OCIAD2: variants seen among roughly 807,000 people sequenced by gnomAD.
OCIAD2 encodes OCIA domain-containing protein 2.
In OCIAD2, 29 loss-of-function variants were observed where a neutral mutation model predicts 22.9. The observed-to-expected ratio is 1.27, with a 90% CI of 0.94 to 1.73. The LOEUF (loss-of-function observed/expected upper bound fraction) is 1.73, where lower values mean the gene tolerates loss of function less well. Ranked by LOEUF, OCIAD2 falls within the 40% of genes most tolerant of loss-of-function variation. OCIAD2 has a pLI of 0.00. For synonymous variants in OCIAD2, 67 were observed against 60.2 expected (o/e 1.11, Z -0.52); for missense variants, 189 against 180.3 (o/e 1.05, Z -0.28).
At chr4:48,898,239 C>G (rs1054227792) in intron 3 of OCIAD2, among the ~76,000 whole-genome samples, 6 of 152,122 alleles carry the variant, frequency 3.9e-5, no homozygotes, top group African/African-American at 1.4e-4. Context: ...AATTTTCAAT[C>G]CTACACAAAT....
rs533996951 is a variant in OCIAD2, at chr4:48,899,710, A to AAT, written c.163+117_163+118dup. The AAT allele has an allele frequency of 1.4e-4, 93 of 680,496 alleles. No homozygotes were observed. In the African/African-American group the frequency reaches 1.6e-3, roughly 11 times the overall value. 42.2% of individuals were successfully genotyped at this position (680,496 alleles called of 1,614,324 possible). On this transcript the variant is annotated intron_variant, in intron 3 of 6. Transcript: ENST00000508632. ...TGGATTTAAACTCTAAACATCCCTGAATATCAGAGTTCATCAGATATTTAT... is the reference window on the plus strand; with the variant it reads ...TGGATTTAAACTCTAAACATCCCTGAATATATCAGAGTTCATCAGATATTTAT...
chr4:48,905,423 AT>A (rs912177486), intron 1 of OCIAD2, among the ~76,000 whole-genome samples: 17 of 151,916 alleles, frequency 1.1e-4, no homozygotes, highest in Admixed American at 3.9e-4. Context: ...GAGAAGAAAG[AT>A]TAAAAAAAAA....
At chr4:48,905,588 C>T (rs1383125806) in intron 1 of OCIAD2, among the ~76,000 whole-genome samples, 1 of 152,162 alleles carries the variant, frequency 6.6e-6, no homozygotes, top group Non-Finnish European at 1.5e-5. Flanking sequence ...GACTTTGAGC[C>T]TCCTCCTGCC....
chr4:48,899,756 TAA>T, intron 3 of OCIAD2, 71 bp downstream of exon 3: 2 of 1,015,902 alleles, frequency 2.0e-6, no homozygotes, highest in Non-Finnish European at 3.0e-6. Context: ...TGCTCAAACG[TAA>T]GTCATTACCA....
At chr4:48,891,125 T>C (rs779554636) in intron 6 of OCIAD2, among the ~76,000 whole-genome samples, 3 of 152,168 alleles carry the variant, frequency 2.0e-5, no homozygotes, top group Non-Finnish European at 2.9e-5. Flanking sequence ...TCTTCAACCC[T>C]GCTATAGCTC....
At chr4:48,905,536 A>G (rs1312526400) in intron 1 of OCIAD2, among the ~76,000 whole-genome samples, 1 of 152,230 alleles carries the variant, frequency 6.6e-6, no homozygotes, top group South Asian at 2.1e-4. Context: ...TGGCTTAGAA[A>G]AGTGGACCCT....
intron 2 of OCIAD2, among the ~76,000 whole-genome samples, chr4:48,900,471 G>C (rs946381625): frequency 6.6e-6 from 1 of 151,696 alleles, no homozygotes; most frequent in Non-Finnish European, 1.5e-5. Flanking sequence ...TTTCAATCTG[G>C]ATGCTTTTTT....
intron 6 of OCIAD2, among the ~76,000 whole-genome samples, 159 bp from the exon 7 acceptor site, chr4:48,885,724 G>C (rs1780966809): frequency 6.6e-6 from 1 of 152,064 alleles, no homozygotes; most frequent in South Asian, 2.1e-4. Context: ...GGGCTCAAGG[G>C]ATCCTCCCAC....
Position 48,904,478 on chromosome 4 carries a change from G to C in OCIAD2, c.66+6C>G, listed in dbSNP as rs1781485519. ...AATGAATCGATCAATAAATATAAAA[G>C]TATACCTGCTTGCTTGGTGGTGGAA... On this transcript the variant is annotated splice_donor_region_variant and intron_variant, in intron 2 of 6. Coordinates refer to ENST00000508632, the MANE Select transcript of OCIAD2 (RefSeq NM_001014446.3). 1 of 1,612,446 alleles carries C rather than the reference G, an allele frequency of 6.2e-7. No homozygotes were observed. Among genetic ancestry groups the C allele is most frequent in the South Asian group, 1.1e-5 (1 of 91,040 alleles).
At position 48,899,898 on chromosome 4, in the gene OCIAD2, G is replaced by C; in HGVS notation, c.94C>G (p.Leu32Val). The C allele has an allele frequency of 6.2e-7, 1 of 1,613,756 alleles. No individual in the cohort carries two copies. The highest frequency in any genetic ancestry group is 8.5e-7 in the Non-Finnish European group (1 of 1,179,854). The part of the protein sequence containing the change: ...QSLLFCPKSK[L>V]HIHRAEISKI... ...GAGATCTCTGCTCTGTGGATGTGCA[G>C]TTTTGATTTTGGACAAAACAACAGG... The change falls in exon 3 of 7, where the codon CTG becomes GTG. Residue 32 changes from leucine to valine, a missense_variant. By Grantham distance (32) the Leu-to-Val change is conservative. Transcript: ENST00000508632.
intron 6 of OCIAD2, among the ~76,000 whole-genome samples, chr4:48,890,622 G>A (rs1013476104): frequency 1.3e-5 from 2 of 152,116 alleles, no homozygotes; most frequent in African/African-American, 4.8e-5. Flanking sequence ...AAATGCACAG[G>A]TTCGTTCTAG....
intron 5 of OCIAD2, 185 bp downstream of exon 5, chr4:48,893,821 C>T (rs1401834195): frequency 8.9e-6 from 3 of 338,574 alleles, no homozygotes; most frequent in East Asian, 9.2e-5. Context: ...CTAGTAATGT[C>T]TTTTTTTCAA....
chr4:48,894,191 G>A (rs1408426810), intron 4 of OCIAD2, 138 bp from the exon 5 acceptor site: 1 of 384,268 alleles, frequency 2.6e-6, no homozygotes, highest in Non-Finnish European at 4.4e-6. Flanking sequence ...TACATATTCT[G>A]ACTTTAAAAA....
chr4:48,899,290 C>G (rs1433020464), intron 3 of OCIAD2, among the ~76,000 whole-genome samples: 1 of 152,100 alleles, frequency 6.6e-6, no homozygotes, highest in Non-Finnish European at 1.5e-5. Context: ...ACACTCTTGT[C>G]TTATGTGAGG....
intron 6 of OCIAD2, among the ~76,000 whole-genome samples, chr4:48,891,869 T>C (rs1458524882): frequency 6.6e-6 from 1 of 152,196 alleles, no homozygotes; most frequent in African/African-American, 2.4e-5. Context: ...TGACAGACCA[T>C]TTTCCACCCA....
intron 2 of OCIAD2, among the ~76,000 whole-genome samples, chr4:48,900,985 T>C (rs929136088): frequency 6.6e-6 from 1 of 152,174 alleles, no homozygotes; most frequent in African/African-American, 2.4e-5. Flanking sequence ...ACATATGCTT[T>C]AATCACTCGC....
intron 2 of OCIAD2, among the ~76,000 whole-genome samples, chr4:48,903,669 C>T (rs1303438376): frequency 8.1e-6 from 1 of 123,744 alleles, no homozygotes; most frequent in African/African-American, 3.1e-5. Context: ...TTTTTTGAGA[C>T]AGAGTCTCGC....
intron 6 of OCIAD2, among the ~76,000 whole-genome samples, chr4:48,892,507 C>T (rs1435092170): frequency 1.3e-5 from 2 of 152,158 alleles, no homozygotes; most frequent in African/African-American, 4.8e-5. Flanking sequence ...GCCATATCTG[C>T]TCATTGAGGA....
chr4:48,900,012 T>C (rs1457338919), intron 2 of OCIAD2, 87 bp from the exon 3 acceptor site: 1 of 906,034 alleles, frequency 1.1e-6, no homozygotes, highest in Non-Finnish European at 1.8e-6. Context: ...GGGAGGTCTC[T>C]TCACTTGTTA....
Sources: gnomAD v4.1 joint callset for allele counts (sites outside exome capture counted in the v4.1 genomes callset) on GRCh38, gnomAD v4.1.1 for gene constraint, MANE v1.5 for transcripts, NCBI Gene and HGNC (gene_info 2026-07-23, HGNC 2026-07-21) for gene names.